The following PCDH7 variants were observed in gnomAD, a reference collection of about 807,000 sequenced individuals.
The protein encoded by PCDH7 is protocadherin-7.
A neutral mutation model predicts 58.9 loss-of-function variants in PCDH7; 17 were observed. That is an observed-to-expected ratio of 0.29 (90% CI 0.20 to 0.43). The LOEUF (loss-of-function observed/expected upper bound fraction) is 0.43. Ranked by LOEUF, PCDH7 falls within the 20% of genes least tolerant of loss-of-function variation. The pLI, the probability that PCDH7 is intolerant of heterozygous loss-of-function variation, is 1.00. For synonymous variants in PCDH7, 664 were observed against 616.4 expected (o/e 1.08, Z -1.14); for missense variants, 1,274 against 1,441.0 (o/e 0.88, Z 1.88).
chr4:31,013,145 T>A (rs1157368054), intron 3 of PCDH7, among the ~76,000 whole-genome samples: 2 of 150,282 alleles, frequency 1.3e-5, no homozygotes, highest in East Asian at 2.2e-4. Context: ...TGTGATATGA[T>A]CACACCACTG....
intron 1 of PCDH7, among the ~76,000 whole-genome samples, chr4:30,759,397 G>A (rs1171582822): frequency 6.6e-6 from 1 of 152,172 alleles, no homozygotes; most frequent in Non-Finnish European, 1.5e-5. Context: ...AATAGAATGA[G>A]TTTCTTAGAA....
intron 3 of PCDH7, among the ~76,000 whole-genome samples, chr4:31,072,119 T>C (rs1758597444): frequency 6.6e-6 from 1 of 152,096 alleles, no homozygotes; most frequent in Admixed American, 6.6e-5. Flanking sequence ...ATAGAACTGA[T>C]TGAAACCCTA....
intron 1 of PCDH7, among the ~76,000 whole-genome samples, chr4:30,851,554 A>G (rs1027374885): frequency 6.6e-6 from 1 of 152,064 alleles, no homozygotes; most frequent in African/African-American, 2.4e-5. Flanking sequence ...TGAAGACTAA[A>G]TGGTTGGACA....
intron 1 of PCDH7, among the ~76,000 whole-genome samples, chr4:30,828,247 G>GAA (rs55835042): frequency 4.0e-5 from 6 of 150,522 alleles, no homozygotes; most frequent in Admixed American, 2.0e-4. Context: ...CTTAGTAAAG[G>GAA]AAAAAAAAAT....
intron 1 of PCDH7, among the ~76,000 whole-genome samples, chr4:30,765,357 C>T (rs1307531981): frequency 6.6e-6 from 1 of 151,898 alleles, no homozygotes; most frequent in Non-Finnish European, 1.5e-5. Flanking sequence ...ATGGCCTTGC[C>T]GCCTGGAATA....
intron 1 of PCDH7, among the ~76,000 whole-genome samples, chr4:30,748,410 C>T (rs764325870): frequency 2.0e-5 from 3 of 152,076 alleles, no homozygotes; most frequent in Non-Finnish European, 4.4e-5. Flanking sequence ...GCCGAGAAGT[C>T]CAAGAGCATG....
At chr4:30,747,890 G>A (rs927873666) in intron 1 of PCDH7, among the ~76,000 whole-genome samples, 1 of 152,166 alleles carries the variant, frequency 6.6e-6, no homozygotes, top group African/African-American at 2.4e-5. Context: ...GTAGACTCCA[G>A]TCAGGCTTTC....
chr4:31,131,212 A>G (rs1718941347), intron 3 of PCDH7, among the ~76,000 whole-genome samples: 1 of 152,134 alleles, frequency 6.6e-6, no homozygotes, highest in South Asian at 2.1e-4. Context: ...GGGAGGTTTA[A>G]CAGTGAGATT....
At chr4:31,103,549 G>A (rs868210010) in intron 3 of PCDH7, among the ~76,000 whole-genome samples, 5 of 152,090 alleles carry the variant, frequency 3.3e-5, no homozygotes, top group Non-Finnish European at 4.4e-5. Flanking sequence ...TGTTGGCCAG[G>A]CTGATCTCAA....
At position 31,056,461 on chromosome 4, in the gene PCDH7, GAAA is replaced by G. The variant is rs1234408548; in HGVS notation, c.*8-86011_*8-86009del. 1.3e-3 allele frequency among the ~76,000 whole-genome samples: 48 copies of G among 37,126 alleles called. 2 individuals carry two copies. The highest frequency in any genetic ancestry group is 4.1e-3 in the African/African-American group (29 of 7,000). 24.4% of individuals were successfully genotyped at this position (37,126 alleles called of 152,430 possible). A position where few individuals can be genotyped will look rare whatever the true frequency, so the allele number is the denominator to read the frequency against. ...AAGAAGGAAAGAAAGAAAGAAAGAA[GAAA>G]GAAAGAAAGAAAGAAAGAAAGAAAG... On this transcript the variant is annotated intron_variant, in intron 3 of 3. Coordinates refer to the PCDH7 transcript ENST00000509759.
At chr4:30,882,872 T>A (rs1737173972) in intron 1 of PCDH7, among the ~76,000 whole-genome samples, 2 of 152,210 alleles carry the variant, frequency 1.3e-5, no homozygotes, top group Non-Finnish European at 2.9e-5. Context: ...TTCATAGATC[T>A]GTGTTAACCT....
At chr4:30,781,537 ATTT>A (rs753467213) in intron 1 of PCDH7, among the ~76,000 whole-genome samples, 3 of 131,904 alleles carry the variant, frequency 2.3e-5, no homozygotes, top group South Asian at 2.4e-4. Flanking sequence ...CTATCTCTCT[ATTT>A]TTTTTTTTTT....
At chr4:30,926,128 GT>G (rs1166054372) in intron 2 of PCDH7, among the ~76,000 whole-genome samples, 2 of 151,330 alleles carry the variant, frequency 1.3e-5, no homozygotes, top group Non-Finnish European at 1.5e-5. Flanking sequence ...TTGATAAAAT[GT>G]TTTACCATTA....
At chr4:30,996,815 C>CA (rs1473980557) in intron 3 of PCDH7, among the ~76,000 whole-genome samples, 1 of 152,010 alleles carries the variant, frequency 6.6e-6, no homozygotes, top group Non-Finnish European at 1.5e-5. Flanking sequence ...TTCTTTTACA[C>CA]AAAAAAGACT....
chr4:30,885,446 A>T (rs1737580526), intron 1 of PCDH7, among the ~76,000 whole-genome samples: 1 of 152,118 alleles, frequency 6.6e-6, no homozygotes, highest in South Asian at 2.1e-4. Context: ...ATGGTTCCTA[A>T]TGAGCACGAT....
At position 30,922,792 on chromosome 4, in the gene PCDH7, C is replaced by T. The variant is rs184222409; in HGVS notation, c.287+2423C>T. On this transcript the variant is annotated intron_variant, in intron 2 of 3. Transcript: ENST00000509759. ...TCTACTGGCTGTGATTCATGTTAGC[C>T]TTGATCTATAGGTAATGACAAAATG... Among the ~76,000 whole-genome samples, 142 of 152,140 alleles carry T rather than the reference C, an allele frequency of 9.3e-4. 1 individual carries two copies. Among genetic ancestry groups the T allele is most frequent in the African/African-American group, 3.3e-3 (137 of 41,494 alleles).
At chr4:30,929,996 T>G (rs1744363611) in intron 2 of PCDH7, among the ~76,000 whole-genome samples, 1 of 152,222 alleles carries the variant, frequency 6.6e-6, no homozygotes, top group Non-Finnish European at 1.5e-5. Context: ...GAGTATTTAT[T>G]TTATGCAAAT....
intron 1 of PCDH7, among the ~76,000 whole-genome samples, chr4:30,872,602 A>C (rs545568193): frequency 1.8e-4 from 27 of 151,950 alleles, no homozygotes; most frequent in Admixed American, 9.2e-4. Context: ...GGTAGCTGTG[A>C]TCTCGAATGG....
intron 3 of PCDH7, among the ~76,000 whole-genome samples, chr4:30,954,216 C>G (rs532765800): frequency 6.6e-6 from 1 of 152,234 alleles, no homozygotes; most frequent in African/African-American, 2.4e-5. Context: ...TTTTCCAGAA[C>G]TAGGAAATTT....
Sources: gnomAD v4.1 joint callset for allele counts (sites outside exome capture counted in the v4.1 genomes callset) on GRCh38, gnomAD v4.1.1 for gene constraint, MANE v1.5 for transcripts, NCBI Gene and HGNC (gene_info 2026-07-23, HGNC 2026-07-21) for gene names.